Variants in LRRTM1 observed in about 807,000 individuals in gnomAD.
LRRTM1 encodes leucine rich repeat transmembrane neuronal 1, also known as leucine-rich repeat transmembrane neuronal protein 1.
A neutral mutation model predicts 37.3 loss-of-function variants in LRRTM1; 8 were observed. The observed-to-expected ratio is 0.21, with a 90% CI of 0.13 to 0.39. The LOEUF (loss-of-function observed/expected upper bound fraction) is 0.39, where lower values mean the gene tolerates loss of function less well. Among genes scored for constraint, LRRTM1 ranks in the 10% least tolerant of loss-of-function variants. LRRTM1 has a pLI of 1.00. For missense variants in LRRTM1, 557 were observed against 691.0 expected, an observed-to-expected ratio of 0.81 and a Z score of 2.17; for synonymous variants, 326 against 316.8, an observed-to-expected ratio of 1.03 and a Z score of -0.31.
chr2:80,295,282 T>G (rs1162938999), intron 2 of LRRTM1, among the ~76,000 whole-genome samples: 1 of 151,730 alleles, frequency 6.6e-6, no homozygotes, highest in Non-Finnish European at 1.5e-5. Flanking sequence ...GTGTCTCAGG[T>G]CTCATGTGCG....
intron 2 of LRRTM1, among the ~76,000 whole-genome samples, chr2:80,291,238 G>A (rs1269275014): frequency 3.3e-5 from 5 of 152,246 alleles, no homozygotes; most frequent in African/African-American, 1.2e-4. Context: ...ATAAGCGATA[G>A]CAAAGGAGAA....
downstream of LRRTM1, among the ~76,000 whole-genome samples, chr2:80,300,782 A>G (rs540708307): frequency 6.6e-6 from 1 of 152,226 alleles, no homozygotes; most frequent in South Asian, 2.1e-4. Flanking sequence ...TCATCTGATG[A>G]AGGAGCCCTC....
downstream of LRRTM1, among the ~76,000 whole-genome samples, chr2:80,300,586 C>T (rs1217929907): frequency 6.6e-6 from 1 of 151,668 alleles, no homozygotes; most frequent in Admixed American, 6.6e-5. Flanking sequence ...GGTTCCCCAT[C>T]CCCCCATTCC....
intron 2 of LRRTM1, among the ~76,000 whole-genome samples, chr2:80,296,538 GC>G (rs1452766520): frequency 6.6e-6 from 1 of 152,130 alleles, no homozygotes; most frequent in African/African-American, 2.4e-5. Flanking sequence ...GAACCTAAGG[GC>G]TTTTAATTTA....
chr2:80,300,278 T>TGGGG (rs770942821), downstream of LRRTM1, among the ~76,000 whole-genome samples: 1 of 71,028 alleles, frequency 1.4e-5, no homozygotes, highest in Non-Finnish European at 2.8e-5. Context: ...GCTGGGGTGT[T>TGGGG]GGGGTGTGTG....
In LRRTM1 at chr2:80,303,990, G is replaced by A. The variant is rs1676650265; in HGVS notation, c.-59-112C>T. 3 of 697,516 alleles carry A rather than the reference G, an allele frequency of 4.3e-6. No individual in the cohort carries two copies. The highest frequency in any genetic ancestry group is 4.4e-6 in the Non-Finnish European group (2 of 449,700). The allele number at this position is 697,516 out of a possible 1,614,324, so 43.2% of individuals were successfully genotyped here. A position where few individuals can be genotyped will look rare whatever the true frequency, so the allele number is the denominator to read the frequency against. ...GGACCCCCCTCCCCAAAAACCACACGTTCACCTCTAAGCATGCAGAAAGCT... is the reference window on the plus strand; with the variant it reads ...GGACCCCCCTCCCCAAAAACCACACATTCACCTCTAAGCATGCAGAAAGCT... On this transcript the variant is annotated intron_variant, in intron 1 of 1. Transcript: ENST00000295057. The surrounding 1 kb of genome is among the most constrained non-coding windows in gnomAD (Gnocchi z 7.7).
chr2:80,298,668 T>G (rs1280309233), downstream of LRRTM1: 1 of 152,266 alleles, frequency 6.6e-6, no homozygotes. Flanking sequence ...TCATACCAAA[T>G]GTCTGCCTTC....
intron 2 of LRRTM1, among the ~76,000 whole-genome samples, chr2:80,293,630 A>G (rs1212461296): frequency 6.6e-6 from 1 of 152,146 alleles, no homozygotes; most frequent in African/African-American, 2.4e-5. Context: ...TTCCAGCATT[A>G]GAGTGATTTC....
chr2:80,295,872 A>T (rs1675694957), intron 2 of LRRTM1, among the ~76,000 whole-genome samples: 1 of 152,174 alleles, frequency 6.6e-6, no homozygotes, highest in Admixed American at 6.5e-5. Context: ...CTAGTTCCTT[A>T]TAATTTCATC....
chr2:80,293,943 T>A (rs978921137), intron 2 of LRRTM1, among the ~76,000 whole-genome samples: 2 of 151,678 alleles, frequency 1.3e-5, no homozygotes, highest in Non-Finnish European at 2.9e-5. Flanking sequence ...GAAACTATGA[T>A]GTCAAACTTT....
chr2:80,301,335 G>T (rs980845548), downstream of LRRTM1, among the ~76,000 whole-genome samples: 1 of 152,206 alleles, frequency 6.6e-6, no homozygotes, highest in African/African-American at 2.4e-5. Context: ...GCAGTGAGCT[G>T]AGGGGCTCCC....
chr2:80,293,779 A>AAG lies in LRRTM1; in HGVS notation c.*307-4585_*307-4584insCT, dbSNP rs1190823433. ...GAGCTGGTGGCAAATCTGCGGATGCAGTGGACTGAGTGGAAAGGGAATATT... is the reference window on the plus strand; with the variant it reads ...GAGCTGGTGGCAAATCTGCGGATGCAAGGTGGACTGAGTGGAAAGGGAATATT... On this transcript the variant is annotated intron_variant and NMD_transcript_variant, in intron 2 of 2. Coordinates refer to the LRRTM1 transcript ENST00000417012. Among the ~76,000 whole-genome samples the AAG allele has an allele frequency of 3.9e-5, 6 of 152,296 alleles. No individual in the cohort carries two copies. The East Asian group carries it at 1.2e-3, about 29-fold the overall frequency.
At position 80,302,451 on chromosome 2, in the gene LRRTM1, G is replaced by A. The variant is rs1175041785; in HGVS notation, c.1369C>T (p.Leu457Phe). Residue 457 changes from leucine to phenylalanine, a missense_variant, in exon 2 of 2, where the codon CTC becomes TTC. Leu to Phe is a conservative substitution (Grantham distance 22). This residue lies in a region of LRRTM1 where 90 missense variants were observed against 149.4 expected (regional missense o/e 0.60). Transcript: ENST00000295057. The surrounding 1 kb of genome is among the most constrained non-coding windows in gnomAD (Gnocchi z 6.4). ...ACAAAGCACTGTCTGAGCTGCCTGA[G>A]GCTGGCTGGGAAACACTTCCAGGAC... Reference protein sequence around the residue: ...YVSWKCFPASLRQLRQCFVTQ... With the variant: ...YVSWKCFPASFRQLRQCFVTQ... 1.9e-6 allele frequency: 3 copies of A among 1,614,196 alleles called. No homozygotes were observed. The highest frequency in any genetic ancestry group is 1.7e-6 in the Non-Finnish European group (2 of 1,180,056).
downstream of LRRTM1, among the ~76,000 whole-genome samples, chr2:80,300,250 C>T (rs1041054124): frequency 5.4e-5 from 8 of 148,482 alleles, no homozygotes; most frequent in African/African-American, 1.7e-4. Context: ...GATGAAGTTT[C>T]CTGGCCAGGA....
downstream of LRRTM1, chr2:80,298,803 T>C (rs1163142425): frequency 6.6e-6 from 1 of 152,242 alleles, no homozygotes; most frequent in Non-Finnish European, 1.5e-5. Context: ...GGTAACTTTG[T>C]AGTCTTGGGA....
chr2:80,289,843 A>G (rs1428604282), intron 2 of LRRTM1, among the ~76,000 whole-genome samples: 1 of 152,304 alleles, frequency 6.6e-6, no homozygotes, highest in Non-Finnish European at 1.5e-5. Context: ...TCAAAAGTGT[A>G]CTTGCCTCCC....
rs1416786249 is a variant in LRRTM1 at position 80,303,452 on chromosome 2, T to C, written c.368A>G (p.Asn123Ser). 6.2e-7 allele frequency: 1 copy of C among 1,614,124 alleles called. No individual in the cohort carries two copies. Among genetic ancestry groups the C allele is most frequent in the Non-Finnish European group, 8.5e-7 (1 of 1,180,058 alleles). The change falls in exon 2 of 2, where the codon AAC becomes AGC. Residue 123 changes from asparagine (N) to serine (S), a missense_variant. By Grantham distance (46) the Asn-to-Ser change is conservative. Coordinates refer to ENST00000295057, the MANE Select transcript of LRRTM1 (RefSeq NM_178839.5). This position sits in a 1 kb window ranked among gnomAD's most constrained non-coding sequence, Gnocchi z 7.7. ...GGTGTTGGGCAGTTGGGTGATCTGG[T>C]TGGAACTCAGCGTGAGTTCCTTAAC... ...RRVKELTLSSNQITQLPNTTF... is the reference protein window; with the variant it reads ...RRVKELTLSSSQITQLPNTTF...
rs111576343 is a variant in LRRTM1 at position 80,294,351 on chromosome 2, C to T, written c.*307-5156G>A. ...AATTCTAAGTACACCGATGCTTGCA[C>T]GTCTTTCTTCTATCAGTGCCACCAG... On this transcript the variant is annotated intron_variant and NMD_transcript_variant, in intron 2 of 2. Transcript: ENST00000417012. Among the ~76,000 whole-genome samples the T allele has an allele frequency of 6.4e-3, 976 of 152,250 alleles. 11 individuals are homozygous for T. Among genetic ancestry groups the T allele is most frequent in the African/African-American group, 0.023 (942 of 41,534 alleles).
chr2:80,290,532 T>C (rs1675144404), intron 2 of LRRTM1, among the ~76,000 whole-genome samples: 1 of 152,112 alleles, frequency 6.6e-6, no homozygotes, highest in Non-Finnish European at 1.5e-5. Context: ...AATCATTATC[T>C]AGCTCAGTGT....
Sources: allele counts gnomAD v4.1 joint callset (sites outside exome capture counted in the v4.1 genomes callset), GRCh38; gene constraint gnomAD v4.1.1; regional missense constraint gnomAD v4.1.1; non-coding constraint Gnocchi (gnomAD v3.1); transcripts MANE v1.5; gene names NCBI Gene and HGNC (gene_info 2026-07-23, HGNC 2026-07-21).